BTBD8: variants seen among roughly 807,000 people sequenced by gnomAD.
The protein encoded by BTBD8 is BTB domain containing 8, also known as BTB/POZ domain-containing protein 8.
In BTBD8, 110 loss-of-function variants were observed where a neutral mutation model predicts 162.9. The ratio of observed to expected loss-of-function variants is 0.68; its 90% confidence interval spans 0.58 to 0.79. The LOEUF (loss-of-function observed/expected upper bound fraction) is 0.79. BTBD8 is among the 30% of genes least tolerant of loss of function. The pLI is 0.00. For missense variants in BTBD8, 1,905 were observed against 2,085.4 expected, an observed-to-expected ratio of 0.91 and a Z score of 1.68; for synonymous variants, 667 against 716.1, an observed-to-expected ratio of 0.93 and a Z score of 1.10.
intron 4 of BTBD8, among the ~76,000 whole-genome samples, chr1:92,120,518 C>T (rs1003642732): frequency 8.6e-5 from 13 of 151,930 alleles, no homozygotes; most frequent in South Asian, 2.1e-4. Flanking sequence ...AAGCCAGTAA[C>T]GTAGTTGTTT....
At chr1:92,137,802 C>G (rs1447763840) in intron 5 of BTBD8, among the ~76,000 whole-genome samples, 2 of 152,008 alleles carry the variant, frequency 1.3e-5, no homozygotes, top group Non-Finnish European at 2.9e-5. Context: ...AGTCTAAACA[C>G]AAAATTTATT....
At chr1:92,094,303 A>G (rs1648393061) in intron 2 of BTBD8, among the ~76,000 whole-genome samples, 1 of 152,200 alleles carries the variant, frequency 6.6e-6, no homozygotes, top group Non-Finnish European at 1.5e-5. Context: ...TGCATATAGA[A>G]AGCACTTGTG....
At chr1:92,155,597 G>A (rs896110895) in intron 9 of BTBD8, among the ~76,000 whole-genome samples, 8 of 152,092 alleles carry the variant, frequency 5.3e-5, no homozygotes, top group African/African-American at 2.4e-5. Context: ...AAGCCACTGT[G>A]CCCAGCTGTG....
chr1:92,087,310 G>C (rs935089105), intron 1 of BTBD8, among the ~76,000 whole-genome samples: 1 of 152,042 alleles, frequency 6.6e-6, no homozygotes, highest in South Asian at 2.1e-4. Flanking sequence ...GGGTGGGATG[G>C]GGGGAAGGAG....
chr1:92,171,574 T>G, intron 13 of BTBD8, 114 bp downstream of exon 13: 3 of 645,428 alleles, frequency 4.6e-6, no homozygotes, highest in Non-Finnish European at 7.2e-6. Flanking sequence ...TGAAGCTATT[T>G]CTTAATGGAA....
chr1:92,102,463 T>C lies in BTBD8; in HGVS notation c.348-10T>C, dbSNP rs1648613317. ...GTTATTTTATTAATATTTTATATTT[T>C]GTCTTTTAGGATTATATATTCATCA... On this transcript the variant is annotated splice_polypyrimidine_tract_variant and intron_variant, in intron 2 of 17. Transcript: ENST00000636805. 1 of 1,371,472 alleles carries C rather than the reference T, an allele frequency of 7.3e-7. No individual in the cohort carries two copies. Among genetic ancestry groups the C allele is most frequent in the African/African-American group, 1.5e-5 (1 of 66,588 alleles). The allele number at this position is 1,371,472 out of a possible 1,614,324, so 85.0% of individuals were successfully genotyped here.
chr1:92,170,063 C>G (rs1169592550), intron 12 of BTBD8, among the ~76,000 whole-genome samples: 1 of 152,120 alleles, frequency 6.6e-6, no homozygotes, highest in East Asian at 1.9e-4. Context: ...GTGTCTTCAG[C>G]TCTCTTCCGA....
At chr1:92,118,200 G>A (rs1649095574) in intron 4 of BTBD8, among the ~76,000 whole-genome samples, 1 of 151,130 alleles carries the variant, frequency 6.6e-6, no homozygotes, top group Admixed American at 6.6e-5. Context: ...TTGTATTTGA[G>A]GAATCAATCC....
intron 5 of BTBD8, among the ~76,000 whole-genome samples, chr1:92,132,434 T>C (rs1649537126): frequency 6.6e-6 from 1 of 152,068 alleles, no homozygotes. Context: ...CAGAGGTCAG[T>C]GGGCAAGAAA....
At chr1:92,140,232 G>T (rs549843913) in intron 6 of BTBD8, among the ~76,000 whole-genome samples, 3 of 149,680 alleles carry the variant, frequency 2.0e-5, no homozygotes, top group African/African-American at 7.4e-5. Flanking sequence ...GATCTGCCTG[G>T]GACTGTAGCG....
At chr1:92,081,702 T>A (rs1648019326) in intron 1 of BTBD8, among the ~76,000 whole-genome samples, 1 of 152,048 alleles carries the variant, frequency 6.6e-6, no homozygotes, top group Non-Finnish European at 1.5e-5. Context: ...ACCTCCCGAG[T>A]AGCTGGGATT....
At chr1:92,087,604 A>G (rs982473403) in intron 1 of BTBD8, among the ~76,000 whole-genome samples, 3 of 152,200 alleles carry the variant, frequency 2.0e-5, no homozygotes, top group African/African-American at 7.2e-5. Flanking sequence ...TGGGGAGTTC[A>G]TTGTCTAGTG....
intron 5 of BTBD8, among the ~76,000 whole-genome samples, chr1:92,136,841 G>A (rs1013749471): frequency 3.3e-5 from 5 of 152,136 alleles, no homozygotes; most frequent in African/African-American, 1.2e-4. Context: ...TGTAGAGTTG[G>A]TATGGTGATT....
At chr1:92,129,638 G>T (rs1649458221) in intron 4 of BTBD8, 49 bp from the exon 5 acceptor site, 2 of 1,355,030 alleles carry the variant, frequency 1.5e-6, no homozygotes, top group Non-Finnish European at 2.1e-6. Context: ...ATTACATTTT[G>T]AATAATATGT....
At chr1:92,120,531 TATC>T (rs1410397819) in intron 4 of BTBD8, among the ~76,000 whole-genome samples, 2 of 152,184 alleles carry the variant, frequency 1.3e-5, no homozygotes. Context: ...AGTTGTTTAT[TATC>T]AAGTATGTAC....
Position 92,105,924 on chromosome 1 carries a change from G to A in BTBD8, c.545-1960G>A, listed in dbSNP as rs72956830. 3.6e-3 allele frequency among the ~76,000 whole-genome samples: 550 copies of A among 152,246 alleles called. 1 individual carries two copies. The highest frequency in any genetic ancestry group is 0.012 in the African/African-American group (499 of 41,534). On this transcript the variant is annotated intron_variant, in intron 3 of 17. Transcript: ENST00000636805. ...GGCTGCCTGTGATTGGCCAAAGCTC[G>A]GCTGCTTATAATTGGCTGAGATCTA...
At chr1:92,123,945 T>A (rs769746246) in intron 4 of BTBD8, among the ~76,000 whole-genome samples, 1 of 152,092 alleles carries the variant, frequency 6.6e-6, no homozygotes, top group African/African-American at 2.4e-5. Flanking sequence ...TCAAGTCTAA[T>A]AAGGGCTTGT....
At chr1:92,100,622 A>T (rs927747983) in intron 2 of BTBD8, among the ~76,000 whole-genome samples, 1 of 151,344 alleles carries the variant, frequency 6.6e-6, no homozygotes, top group African/African-American at 2.4e-5. Context: ...TATTATTATT[A>T]TTTTTGAGAT....
At chr1:92,104,696 C>T (rs1648678679) in intron 3 of BTBD8, among the ~76,000 whole-genome samples, 1 of 152,172 alleles carries the variant, frequency 6.6e-6, no homozygotes, top group Admixed American at 6.6e-5. Flanking sequence ...GCTTAACAGA[C>T]ATTTTTTTGC....
Sources: gnomAD v4.1 joint callset for allele counts (sites outside exome capture counted in the v4.1 genomes callset) on GRCh38, gnomAD v4.1.1 for gene constraint, MANE v1.5 for transcripts, NCBI Gene and HGNC (gene_info 2026-07-23, HGNC 2026-07-21) for gene names.